Variants in MEIOSIN observed in about 807,000 individuals in gnomAD.
MEIOSIN encodes meiosis initiator.
In MEIOSIN, 18 loss-of-function variants were observed where a neutral mutation model predicts 23.4. That is an observed-to-expected ratio of 0.77 (90% CI 0.53 to 1.14). MEIOSIN has a LOEUF of 1.14. MEIOSIN is among the 50% of genes most tolerant of loss of function. The pLI, the probability that MEIOSIN is intolerant of heterozygous loss-of-function variation, is 0.00. For synonymous variants in MEIOSIN, 187 were observed against 100.6 expected (o/e 1.86, Z -5.14); for missense variants, 428 against 242.9 (o/e 1.76, Z -5.07).
intron 14 of MEIOSIN, 113 bp from the exon 15 acceptor site, chr19:45,763,858 A>G (rs1290304452): frequency 7.5e-6 from 3 of 397,746 alleles, no homozygotes; most frequent in Non-Finnish European, 1.3e-5. Context: ...GGCTCGCCCA[A>G]TAGAGGCTAA....
In MEIOSIN at chr19:45,764,467, C is replaced by T. The variant is rs1333783849; in HGVS notation, c.*349C>T. On this transcript the variant is annotated 3_prime_UTR_variant, in exon 15 of 15. Coordinates refer to ENST00000457052, the MANE Select transcript of MEIOSIN (RefSeq NM_001310124.2). ...TTCATGCTCACCTCACCCTACTCCT[C>T]CCTCTCCTGTTCTATTTTTAGACTA... is the stretch of plus-strand genomic sequence containing the variant. 1.2e-5 allele frequency: 3 copies of T among 250,576 alleles called. No homozygotes were observed. The highest frequency in any genetic ancestry group is 2.3e-5 in the Non-Finnish European group (3 of 132,172). 15.5% of individuals were successfully genotyped at this position (250,576 alleles called of 1,614,324 possible).
intron 4 of MEIOSIN, among the ~76,000 whole-genome samples, chr19:45,745,699 T>C (rs1968580634): frequency 6.6e-6 from 1 of 152,190 alleles, no homozygotes; most frequent in African/African-American, 2.4e-5. Flanking sequence ...CCTGAGTAGC[T>C]GGGACTACAG....
chr19:45,764,379 T>G lies in MEIOSIN; in HGVS notation c.*261T>G, dbSNP rs1600395267. 2.7e-6 allele frequency: 1 copy of G among 366,658 alleles called. No homozygotes were observed. Among genetic ancestry groups the G allele is most frequent in the Non-Finnish European group, 4.9e-6 (1 of 205,824 alleles). The allele number at this position is 366,658 out of a possible 1,614,324, so 22.7% of individuals were successfully genotyped here. ...AAATGAAATGCGGGGTGTCGGAAGG[T>G]GAAGTTTACCCACCCCTCTCCCCTT... On this transcript the variant is annotated 3_prime_UTR_variant, in exon 15 of 15. Coordinates refer to ENST00000457052, the MANE Select transcript of MEIOSIN (RefSeq NM_001310124.2).
chr19:45,752,311 G>A (rs1968728365), intron 5 of MEIOSIN, among the ~76,000 whole-genome samples: 1 of 151,742 alleles, frequency 6.6e-6, no homozygotes, highest in Non-Finnish European at 1.5e-5. Flanking sequence ...TGCCTCCCAG[G>A]TTCAAGCCAT....
intron 7 of MEIOSIN, 98 bp downstream of exon 7, chr19:45,754,822 C>A: frequency 1.5e-6 from 1 of 655,982 alleles, no homozygotes; most frequent in Non-Finnish European, 2.8e-6. Flanking sequence ...GTGGGGGCTG[C>A]AGCAGTGAAT....
At chr19:45,759,653 C>A (rs1449835259) in intron 11 of MEIOSIN, among the ~76,000 whole-genome samples, 163 bp downstream of exon 11, 2 of 152,256 alleles carry the variant, frequency 1.3e-5, no homozygotes, top group Non-Finnish European at 2.9e-5. Flanking sequence ...CGCCCCCCGA[C>A]CCTCTCTGCG....
At chr19:45,754,268 C>T (rs1397034550) in intron 6 of MEIOSIN, among the ~76,000 whole-genome samples, 2 of 152,178 alleles carry the variant, frequency 1.3e-5, no homozygotes, top group Non-Finnish European at 1.5e-5. Context: ...TGAGCCACTG[C>T]GCCTGGCCAG....
chr19:45,734,452 G>A (rs1968375897), intron 1 of MEIOSIN, among the ~76,000 whole-genome samples: 1 of 152,112 alleles, frequency 6.6e-6, no homozygotes, highest in South Asian at 2.1e-4. Flanking sequence ...GACAGTTTGA[G>A]GGTCTGGGGT....
chr19:45,754,246 G>T (rs1968771625), intron 6 of MEIOSIN, among the ~76,000 whole-genome samples: 1 of 152,152 alleles, frequency 6.6e-6, no homozygotes, highest in African/African-American at 2.4e-5. Context: ...CAAAGCGCTG[G>T]GATTACAAGC....
chr19:45,757,824 T>G (rs1344787665), intron 9 of MEIOSIN, among the ~76,000 whole-genome samples: 1 of 151,790 alleles, frequency 6.6e-6, no homozygotes, highest in African/African-American at 2.4e-5. Flanking sequence ...CCGAACTCTT[T>G]TTGTGTTTTT....
intron 5 of MEIOSIN, among the ~76,000 whole-genome samples, chr19:45,752,568 G>T (rs1968734343): frequency 6.6e-6 from 1 of 152,002 alleles, no homozygotes; most frequent in Non-Finnish European, 1.5e-5. Context: ...GCCCAAGCTG[G>T]TCTTAAACCC....
intron 5 of MEIOSIN, among the ~76,000 whole-genome samples, chr19:45,751,422 G>A (rs946172171): frequency 6.6e-6 from 1 of 151,556 alleles, no homozygotes; most frequent in East Asian, 1.9e-4. Flanking sequence ...AAACCATTTG[G>A]GATCTCATCC....
chr19:45,738,003 G>C (rs1968437755), intron 2 of MEIOSIN, among the ~76,000 whole-genome samples: 1 of 151,386 alleles, frequency 6.6e-6, no homozygotes, highest in African/African-American at 2.4e-5. Flanking sequence ...TGATCTTCCT[G>C]CCTCAGCCTC....
At chr19:45,751,275 TAA>T (rs1192940853) in intron 5 of MEIOSIN, among the ~76,000 whole-genome samples, 1 of 126,572 alleles carries the variant, frequency 7.9e-6, no homozygotes, top group African/African-American at 3.7e-5. Context: ...GTGTCTCAAA[TAA>T]TAATAATAAT....
At chr19:45,756,232 G>T (rs185264592) in intron 8 of MEIOSIN, among the ~76,000 whole-genome samples, 154 bp downstream of exon 8, 2 of 152,290 alleles carry the variant, frequency 1.3e-5, no homozygotes, top group Non-Finnish European at 2.9e-5. Flanking sequence ...TTGTGAGCTC[G>T]CAGGAAAGCC....
chr19:45,735,178 G>A (rs1267829853), intron 1 of MEIOSIN, among the ~76,000 whole-genome samples, 199 bp from the exon 2 acceptor site: 2 of 152,146 alleles, frequency 1.3e-5, no homozygotes, highest in Non-Finnish European at 2.9e-5. Context: ...ACAGGTGTGA[G>A]CTACCACTTC....
Position 45,758,903 on chromosome 19 carries a change from C to T in MEIOSIN, c.1038C>T (p.Pro346=). 1 of 703,132 alleles carries T rather than the reference C, an allele frequency of 1.4e-6. No individual in the cohort carries two copies. The highest frequency in any genetic ancestry group is 2.6e-6 in the Non-Finnish European group (1 of 385,036). 43.6% of individuals were successfully genotyped at this position (703,132 alleles called of 1,614,324 possible). A position where few individuals can be genotyped will look rare whatever the true frequency, so the allele number is the denominator to read the frequency against. The change falls in exon 10 of 15, where the codon CCC becomes CCT. Residue 346 remains proline, a synonymous_variant. Transcript: ENST00000457052. ...PQGSPLFLGP[P]QIDVWSGTGH... ...GGAGCCCACTGTTCCTGGGGCCTCC[C>T]CAGATTGATGTCTGGAGTGGAACAG...
At chr19:45,738,251 A>T (rs767754160) in intron 2 of MEIOSIN, among the ~76,000 whole-genome samples, 1 of 152,214 alleles carries the variant, frequency 6.6e-6, no homozygotes, top group Non-Finnish European at 1.5e-5. Context: ...CCATCCAACT[A>T]TCTCTTCATT....
At chr19:45,736,132 G>C (rs1968404452) in intron 2 of MEIOSIN, among the ~76,000 whole-genome samples, 1 of 152,010 alleles carries the variant, frequency 6.6e-6, no homozygotes, top group Admixed American at 6.6e-5. Flanking sequence ...TCGGACTCCT[G>C]GGTTTGAGCC....
Sources: allele counts gnomAD v4.1 joint callset (sites outside exome capture counted in the v4.1 genomes callset), GRCh38; gene constraint gnomAD v4.1.1; transcripts MANE v1.5; gene names NCBI Gene and HGNC (gene_info 2026-07-23, HGNC 2026-07-21).